GLRB: variants seen among roughly 807,000 people sequenced by gnomAD.
The protein encoded by GLRB is glycine receptor beta.
Under a neutral mutation model 54.2 loss-of-function variants are expected in GLRB, and 33 were observed. The observed-to-expected ratio is 0.61, with a 90% CI of 0.46 to 0.81. The LOEUF is 0.81. GLRB is among the 40% of genes least tolerant of loss of function. The pLI is 0.00. For missense variants in GLRB, 572 were observed against 584.6 expected, an observed-to-expected ratio of 0.98 and a Z score of 0.22; for synonymous variants, 209 against 208.2, an observed-to-expected ratio of 1.00 and a Z score of -0.03.
At chr4:157,162,608 C>T (rs999269313) in intron 9 of GLRB, among the ~76,000 whole-genome samples, 1 of 152,104 alleles carries the variant, frequency 6.6e-6, no homozygotes, top group African/African-American at 2.4e-5. Flanking sequence ...CCACTCCAGC[C>T]CCTGTTTGCC....
chr4:157,156,900 G>A (rs921518035), intron 9 of GLRB, among the ~76,000 whole-genome samples: 2 of 152,090 alleles, frequency 1.3e-5, no homozygotes, highest in East Asian at 1.9e-4. Context: ...ACTCCAAATC[G>A]TGTTTAAGCC....
At chr4:157,129,594 C>A (rs570488328) in intron 4 of GLRB, among the ~76,000 whole-genome samples, 1 of 151,812 alleles carries the variant, frequency 6.6e-6, no homozygotes, top group Non-Finnish European at 1.5e-5. Flanking sequence ...AGAAAAGAAT[C>A]TTTGAAGCAC....
intron 4 of GLRB, among the ~76,000 whole-genome samples, chr4:157,124,775 A>G (rs1039097914): frequency 4.6e-5 from 7 of 151,822 alleles, no homozygotes; most frequent in Admixed American, 1.3e-4. Flanking sequence ...CTGGATGAAA[A>G]CCAATCTGCC....
chr4:157,125,389 G>C (rs1735980994), intron 4 of GLRB, among the ~76,000 whole-genome samples: 1 of 151,814 alleles, frequency 6.6e-6, no homozygotes, highest in Non-Finnish European at 1.5e-5. Context: ...TTGTGTCCTT[G>C]CTGTGTTACT....
At chr4:157,085,718 C>T (rs1210445909) in intron 2 of GLRB, among the ~76,000 whole-genome samples, 1 of 151,932 alleles carries the variant, frequency 6.6e-6, no homozygotes, top group Non-Finnish European at 1.5e-5. Context: ...AGGATGGTCT[C>T]GATCTCCTGA....
chr4:157,098,306 TTA>T lies in GLRB; in HGVS notation c.122+20161_122+20162del, dbSNP rs199995053. Among the ~76,000 whole-genome samples, 733 of 152,312 alleles carry T rather than the reference TTA, an allele frequency of 4.8e-3. 9 individuals carry two copies. Among genetic ancestry groups the T allele is most frequent in the African/African-American group, 0.017 (689 of 41,566 alleles). On this transcript the variant is annotated intron_variant, in intron 2 of 9. Coordinates refer to ENST00000264428, the MANE Select transcript of GLRB (RefSeq NM_000824.5). ...ATATATTATACTATATTTATCGATT[TTA>T]CTGTCAAATGAAAAGACAAATCCAA...
intron 4 of GLRB, among the ~76,000 whole-genome samples, chr4:157,129,708 T>A (rs1458447154): frequency 4.6e-5 from 7 of 151,694 alleles, no homozygotes; most frequent in African/African-American, 1.7e-4. Context: ...ATGACTCTGA[T>A]GGAATTCTAT....
At chr4:157,088,098 G>A (rs954430684) in intron 2 of GLRB, among the ~76,000 whole-genome samples, 10 of 152,158 alleles carry the variant, frequency 6.6e-5, no homozygotes, top group South Asian at 6.2e-4. Context: ...TTATTAAATT[G>A]CTAATAAAAT....
intron 9 of GLRB, among the ~76,000 whole-genome samples, chr4:157,168,292 G>A (rs1737791914): frequency 6.6e-6 from 1 of 152,120 alleles, no homozygotes; most frequent in Non-Finnish European, 1.5e-5. Flanking sequence ...AGGGGGTGCA[G>A]ACAAGAAGCC....
At chr4:157,115,643 C>T (rs961743399) in intron 2 of GLRB, among the ~76,000 whole-genome samples, 2 of 151,728 alleles carry the variant, frequency 1.3e-5, no homozygotes, top group Non-Finnish European at 2.9e-5. Context: ...GTGGTCTACT[C>T]GTCCAGGAAC....
intron 9 of GLRB, among the ~76,000 whole-genome samples, chr4:157,164,487 T>C: frequency 6.6e-6 from 1 of 152,188 alleles, no homozygotes; most frequent in East Asian, 1.9e-4. Flanking sequence ...GTTAAGAGAT[T>C]TGGATACAGA....
intron 4 of GLRB, among the ~76,000 whole-genome samples, chr4:157,131,225 T>C (rs1032699912): frequency 4.6e-5 from 7 of 151,770 alleles, no homozygotes; most frequent in Non-Finnish European, 1.0e-4. Context: ...TATTTTTGCC[T>C]TATCTTAAAA....
At chr4:157,086,982 AT>A in intron 2 of GLRB, among the ~76,000 whole-genome samples, 1 of 152,070 alleles carries the variant, frequency 6.6e-6, no homozygotes, top group South Asian at 2.1e-4. Context: ...GATGTCTTTT[AT>A]TTTCTAGTTG....
intron 8 of GLRB, among the ~76,000 whole-genome samples, chr4:157,146,538 G>T (rs559254572): frequency 6.6e-6 from 1 of 152,026 alleles, no homozygotes; most frequent in Admixed American, 6.6e-5. Context: ...TGATGATGGG[G>T]CTGAGAGCAG....
chr4:157,133,320 G>C (rs1027063279), intron 4 of GLRB, among the ~76,000 whole-genome samples: 1 of 151,820 alleles, frequency 6.6e-6, no homozygotes. Flanking sequence ...GAGGCTCAGA[G>C]AAGTTAAATA....
At chr4:157,159,484 C>G (rs1372227355) in intron 9 of GLRB, among the ~76,000 whole-genome samples, 1 of 152,022 alleles carries the variant, frequency 6.6e-6, no homozygotes, top group African/African-American at 2.4e-5. Flanking sequence ...ATAAATAGCT[C>G]TTATTATTTT....
At chr4:157,124,392 A>G (rs1047860847) in intron 4 of GLRB, among the ~76,000 whole-genome samples, 14 of 151,778 alleles carry the variant, frequency 9.2e-5, no homozygotes, top group Admixed American at 3.3e-4. Flanking sequence ...TACTGTAATT[A>G]AATTATTTTT....
chr4:157,138,945 C>A lies in GLRB; in HGVS notation c.747C>A (p.Gly249=). The A allele has an allele frequency of 7.2e-7, 1 of 1,389,716 alleles. No homozygotes were observed. The highest frequency in any genetic ancestry group is 1.0e-6 in the Non-Finnish European group (1 of 977,574). The allele number at this position is 1,389,716 out of a possible 1,614,324, so 86.1% of individuals were successfully genotyped here. A position where few individuals can be genotyped will look rare whatever the true frequency, so the allele number is the denominator to read the frequency against. ...EYGNCTKYYK[G]TGYYTCVEVI... Reference sequence around the variant, plus strand: ...GTAACTGTACAAAATACTATAAAGGCACGGGTAAGTAATATTCTTTAAATA... The same window carrying A: ...GTAACTGTACAAAATACTATAAAGGAACGGGTAAGTAATATTCTTTAAATA... The change falls in exon 7 of 10, where the codon GGC becomes GGA. Residue 249 remains glycine, a synonymous_variant. Transcript: ENST00000264428.
chr4:157,109,231 G>A (rs1172152184), intron 2 of GLRB, among the ~76,000 whole-genome samples: 2 of 151,918 alleles, frequency 1.3e-5, no homozygotes, highest in Non-Finnish European at 2.9e-5. Flanking sequence ...TGGAGAAACT[G>A]GACTAATACA....
Sources: allele counts gnomAD v4.1 joint callset (sites outside exome capture counted in the v4.1 genomes callset), GRCh38; gene constraint gnomAD v4.1.1; transcripts MANE v1.5; gene names NCBI Gene and HGNC (gene_info 2026-07-23, HGNC 2026-07-21).